Variants in AKAP12 observed in about 807,000 individuals in gnomAD.
The protein encoded by AKAP12 is A-kinase anchoring protein 12.
In AKAP12, 32 loss-of-function variants were observed where a neutral mutation model predicts 79.9. The ratio of observed to expected loss-of-function variants is 0.40; its 90% CI spans 0.30 to 0.54. The LOEUF is 0.54. AKAP12 is among the 20% of genes least tolerant of loss of function. The probability of loss-of-function intolerance (pLI) is 0.48; values close to 1 mark genes in which losing one functional copy is unlikely to be tolerated. For missense variants in AKAP12, 2,074 were observed against 2,177.0 expected, an observed-to-expected ratio of 0.95 and a Z score of 0.94; for synonymous variants, 808 against 857.0, an observed-to-expected ratio of 0.94 and a Z score of 1.00.
chr6:151,292,811 T>A (rs529149608), intron 2 of AKAP12, among the ~76,000 whole-genome samples: 1 of 152,342 alleles, frequency 6.6e-6, no homozygotes, highest in Non-Finnish European at 1.5e-5. Context: ...CAAACATCCC[T>A]TCTCAGGATG....
At chr6:151,276,903 A>G (rs1305703159) in intron 2 of AKAP12, among the ~76,000 whole-genome samples, 1 of 152,190 alleles carries the variant, frequency 6.6e-6, no homozygotes, top group Non-Finnish European at 1.5e-5. Flanking sequence ...ATGGAATGGT[A>G]TGGAAGGATT....
rs1196370384 is a variant in AKAP12 at position 151,357,171 on chromosome 6, G to A, written c.*1457G>A. 1 of 119,526 alleles carries A rather than the reference G, an allele frequency of 8.4e-6. No homozygotes were observed. The highest frequency in any genetic ancestry group is 1.8e-5 in the Non-Finnish European group (1 of 54,220). The allele number at this position is 119,526 out of a possible 1,614,324, so 7.4% of individuals were successfully genotyped here. A position where few individuals can be genotyped will look rare whatever the true frequency, so the allele number is the denominator to read the frequency against. On this transcript the variant is annotated 3_prime_UTR_variant, in exon 5 of 5. Transcript: ENST00000402676. ...TGATGAGTCATGCTAATACATTGAG[G>A]GTTTGTTTTTTTGTTTGTTTGTTTG...
At chr6:151,336,590 T>C (rs1777819859) in intron 3 of AKAP12, among the ~76,000 whole-genome samples, 2 of 151,862 alleles carry the variant, frequency 1.3e-5, no homozygotes, top group South Asian at 4.2e-4. Context: ...ACTAAAAATA[T>C]AAAAATTAGC....
chr6:151,272,344 C>CA (rs369696858), intron 2 of AKAP12, among the ~76,000 whole-genome samples: 17,300 of 94,956 alleles, frequency 0.18, 1,516 homozygotes, highest in East Asian at 0.43. Context: ...GACCCTGTTT[C>CA]AAAAAAAAAA....
At chr6:151,315,286 C>G (rs1451961827) in intron 3 of AKAP12, among the ~76,000 whole-genome samples, 1 of 152,188 alleles carries the variant, frequency 6.6e-6, no homozygotes, top group Non-Finnish European at 1.5e-5. Context: ...AAGGCACCAA[C>G]AGAATCAGAG....
chr6:151,262,946 A>G (rs1797466643), intron 2 of AKAP12, among the ~76,000 whole-genome samples: 1 of 151,964 alleles, frequency 6.6e-6, no homozygotes, highest in Admixed American at 6.6e-5. Flanking sequence ...ATTCCCTTAT[A>G]CTCCAGAGTT....
intron 3 of AKAP12, among the ~76,000 whole-genome samples, chr6:151,307,433 C>T (rs1225042600): frequency 6.6e-6 from 1 of 152,070 alleles, no homozygotes; most frequent in South Asian, 2.1e-4. Flanking sequence ...GGAAAAGGGG[C>T]CAGATAACAG....
rs764783579 is a variant in AKAP12 at position 151,305,727 on chromosome 6, T to C, written c.163-20T>C. 3.1e-6 allele frequency: 5 copies of C among 1,594,822 alleles called. No individual in the cohort carries two copies. The highest frequency in any genetic ancestry group is 2.7e-5 in the African/African-American group (2 of 74,070). ...CATGAGGACTGAAATTAAGTTTCTA[T>C]GGCTTTGTCTTTTCCATAGCTCCTA... On this transcript the variant is annotated intron_variant, in intron 2 of 4. Transcript: ENST00000402676.
At chr6:151,338,066 T>TTA (rs1466104600) in intron 3 of AKAP12, among the ~76,000 whole-genome samples, 1 of 152,188 alleles carries the variant, frequency 6.6e-6, no homozygotes, top group Non-Finnish European at 1.5e-5. Context: ...TGAAAGTAAG[T>TTA]TATATACATC....
chr6:151,314,435 T>C (rs1777192832), intron 3 of AKAP12, among the ~76,000 whole-genome samples: 1 of 152,222 alleles, frequency 6.6e-6, no homozygotes, highest in Non-Finnish European at 1.5e-5. Context: ...ATAATCCTCT[T>C]GGTGTCAAAG....
intron 4 of AKAP12, among the ~76,000 whole-genome samples, chr6:151,354,038 G>C (rs992415911): frequency 2.6e-5 from 4 of 151,984 alleles, no homozygotes; most frequent in Non-Finnish European, 5.9e-5. Context: ...ACATGTGCGT[G>C]TTTGACCCAA....
chr6:151,318,726 A>G (rs978415460), intron 3 of AKAP12, among the ~76,000 whole-genome samples: 5 of 152,144 alleles, frequency 3.3e-5, no homozygotes, highest in Non-Finnish European at 5.9e-5. Flanking sequence ...ACTTGAGCCC[A>G]GGGGTTTGAG....
intron 3 of AKAP12, among the ~76,000 whole-genome samples, chr6:151,331,329 TA>T (rs1777659761): frequency 6.6e-6 from 1 of 152,184 alleles, no homozygotes; most frequent in Non-Finnish European, 1.5e-5. Context: ...ATAAGTGTTA[TA>T]ATTTTTTTTA....
intron 3 of AKAP12, among the ~76,000 whole-genome samples, chr6:151,335,254 A>G (rs1420542430): frequency 2.0e-5 from 3 of 152,196 alleles, no homozygotes; most frequent in Admixed American, 6.5e-5. Flanking sequence ...AAAGTCTTCT[A>G]CAATTTATAC....
At chr6:151,331,496 C>T (rs964856395) in intron 3 of AKAP12, among the ~76,000 whole-genome samples, 2 of 152,186 alleles carry the variant, frequency 1.3e-5, no homozygotes, top group South Asian at 2.1e-4. Context: ...CCCAAGGTCT[C>T]GCTTGGCAGT....
rs753937757 is a variant in AKAP12 at position 151,351,887 on chromosome 6, C to G, written c.3496C>G (p.Pro1166Ala). 6.2e-7 allele frequency: 1 copy of G among 1,614,062 alleles called. No homozygotes were observed. The highest frequency in any genetic ancestry group is 2.2e-5 in the East Asian group (1 of 44,864). ...QAIPPDSVETPTDSETDGSTP... is the reference protein window; with the variant it reads ...QAIPPDSVETATDSETDGSTP... ...TATCCCCCCTGACTCGGTGGAAACC[C>G]CTACAGACAGTGAGACTGATGGAAG... Residue 1166 changes from proline to alanine, a missense_variant, in exon 4 of 5, where the codon CCT (proline) becomes GCT (alanine). Around this residue, in one of 3 missense-constraint regions of AKAP12, gnomAD observed 1,428 missense variants for 1,451.0 expected, o/e 0.98. Transcript: ENST00000402676. The surrounding 1 kb of genome is among the most constrained non-coding windows in gnomAD (Gnocchi z 4.4).
At chr6:151,326,961 C>A (rs1777545222) in intron 3 of AKAP12, among the ~76,000 whole-genome samples, 1 of 152,084 alleles carries the variant, frequency 6.6e-6, no homozygotes, top group African/African-American at 2.4e-5. Context: ...GGGTTACAGG[C>A]ACGTGCCACC....
intron 3 of AKAP12, chr6:151,324,580 C>A (rs758967913): frequency 1.6e-3 from 1,564 of 985,356 alleles, no homozygotes; most frequent in Non-Finnish European, 1.8e-3. Flanking sequence ...CAATAATGAA[C>A]AAGATCTTCA....
At chr6:151,345,893 ATATGTGTGTG>A (rs1225133021) in intron 3 of AKAP12, among the ~76,000 whole-genome samples, 6 of 82,354 alleles carry the variant, frequency 7.3e-5, no homozygotes, top group Non-Finnish European at 1.3e-4. Context: ...ATGTGTGTGT[ATATGTGTGTG>A]TGTGTGTGTG....
Sources: allele counts gnomAD v4.1 joint callset (sites outside exome capture counted in the v4.1 genomes callset), GRCh38; gene constraint gnomAD v4.1.1; regional missense constraint gnomAD v4.1.1; non-coding constraint Gnocchi (gnomAD v3.1); transcripts MANE v1.5; gene names NCBI Gene and HGNC (gene_info 2026-07-23, HGNC 2026-07-21).